Variants in ADAM33 observed in about 807,000 individuals in gnomAD.
ADAM33 encodes ADAM metallopeptidase domain 33, also known as disintegrin and metalloproteinase domain-containing protein 33.
A neutral mutation model predicts 106.2 loss-of-function variants in ADAM33; 103 were observed. The ratio of observed to expected loss-of-function variants is 0.97; its 90% CI spans 0.83 to 1.14. The LOEUF (loss-of-function observed/expected upper bound fraction) is 1.14, where lower values mean the gene tolerates loss of function less well. ADAM33 is among the 50% of genes most tolerant of loss of function. The pLI is 0.00. For synonymous variants in ADAM33, 483 were observed against 453.0 expected, an observed-to-expected ratio of 1.07 and a Z score of -0.84; for missense variants, 1,120 against 1,096.6, an observed-to-expected ratio of 1.02 and a Z score of -0.30.
chr20:3,677,272 ACC>A (rs982710642), intron 2 of ADAM33, 129 bp from the exon 3 acceptor site: 14 of 684,400 alleles, frequency 2.0e-5, no homozygotes, highest in Non-Finnish European at 2.8e-5. Context: ...AGTCAGCAGG[ACC>A]CCCCACATAC....
Position 3,681,923 on chromosome 20 carries a change from C to A in ADAM33, c.82G>T (p.Ala28Ser). Residue 28 changes from alanine (A) to serine (S), a missense_variant, in exon 1 of 22, where the codon GCC (alanine) becomes TCC (serine). Coordinates refer to ENST00000356518, the MANE Select transcript of ADAM33 (RefSeq NM_025220.5). The part of the protein sequence containing the change: ...LLLLLWPVPG[A>S]GVLQGHIPGQ... ...GCGTCCTCACCTTGAAGCACCCCGG[C>A]GCCTGGCACTGGCCAGAGCAGCAGC... 6.3e-7 allele frequency: 1 copy of A among 1,588,982 alleles called. No individual in the cohort carries two copies. Among genetic ancestry groups the A allele is most frequent in the East Asian group, 2.3e-5 (1 of 42,598 alleles).
chr20:3,671,857 C>T lies in ADAM33; in HGVS notation c.1706+20G>A. 1.3e-6 allele frequency: 2 copies of T among 1,551,680 alleles called. No individual in the cohort carries two copies. Among genetic ancestry groups the T allele is most frequent in the Non-Finnish European group, 1.7e-6 (2 of 1,147,048 alleles). On this transcript the variant is annotated intron_variant, in intron 15 of 21. Coordinates refer to ENST00000356518, the MANE Select transcript of ADAM33 (RefSeq NM_025220.5). The stretch of plus-strand genomic sequence containing the variant: ...CCCACTCCATAGCTTCTGCTCCCTC[C>T]ACTCAGCTCCACTCCCTACCTCCCT...
Position 3,671,435 on chromosome 20 carries a change from GCAGT to G in ADAM33, c.1963_1966del (p.Thr655ProfsTer161). 1.2e-6 allele frequency: 2 copies of G among 1,612,468 alleles called. No individual in the cohort carries two copies. Among genetic ancestry groups the G allele is most frequent in the Non-Finnish European group, 1.7e-6 (2 of 1,179,254 alleles). ...GGCTCTCACCCCGTGGCTGTGGCAG[GCAGT>G]CAGGCAGCGCTGAAGCTCCTGGAAG... is the stretch of plus-strand genomic sequence containing the variant. On this transcript the variant is annotated frameshift_variant, in exon 17 of 22. Coordinates refer to ENST00000356518, the MANE Select transcript of ADAM33 (RefSeq NM_025220.5). LOFTEE classifies it high-confidence loss of function.
Position 3,673,770 on chromosome 20 carries a change from G to A in ADAM33, c.880C>T (p.Pro294Ser). Residue 294 changes from proline (P) to serine (S), a missense_variant, in exon 9 of 22, where the codon CCC becomes TCC. By Grantham distance (74) the Pro-to-Ser change is moderately conservative. Transcript: ENST00000356518. ...QWRRGLWAQR[P>S]HDSAQLLTGR... ...GTGAGCAGCTGCGCGGAGTCGTGGG[G>A]CCGCTGCGCCCACAGCCCCCGGCGC... The A allele has an allele frequency of 6.5e-7, 1 of 1,527,916 alleles. No homozygotes were observed. 94.6% of individuals were successfully genotyped at this position (1,527,916 alleles called of 1,614,324 possible).
intron 2 of ADAM33, among the ~76,000 whole-genome samples, chr20:3,679,010 G>C (rs192617479): frequency 1.8e-3 from 270 of 152,276 alleles, no homozygotes; most frequent in African/African-American, 6.3e-3. Context: ...GATACCAGAA[G>C]TGGATTCCAC....
Position 3,673,449 on chromosome 20 carries a change from C to A in ADAM33, c.1038G>T (p.Glu346Asp). The A allele has an allele frequency of 6.3e-7, 1 of 1,578,716 alleles. No homozygotes were observed. The highest frequency in any genetic ancestry group is 1.1e-5 in the South Asian group (1 of 87,004). Reference sequence around the variant, plus strand: ...GGCTGAGGCCGAGGCTGTGGCCGATCTCATGGGCCATGGTGGCTGCGGCGC... The same window carrying A: ...GGCTGAGGCCGAGGCTGTGGCCGATATCATGGGCCATGGTGGCTGCGGCGC... ...PIGAAATMAH[E>D]IGHSLGLSHD... The change falls in exon 11 of 22, where the codon GAG becomes GAT. Residue 346 changes from glutamate to aspartate, a missense_variant. By Grantham distance (45) the Glu-to-Asp change is conservative. Transcript: ENST00000356518.
At chr20:3,669,438 G>A (rs1189523850) in intron 20 of ADAM33, 68 bp from the exon 21 acceptor site, 7 of 1,555,316 alleles carry the variant, frequency 4.5e-6, no homozygotes, top group Non-Finnish European at 6.1e-6. Context: ...CTGGGGAGGG[G>A]CATAGGGGAC....
intron 1 of ADAM33, among the ~76,000 whole-genome samples, chr20:3,680,907 G>C (rs1342357948): frequency 6.6e-6 from 1 of 152,270 alleles, no homozygotes; most frequent in Middle Eastern, 3.4e-3. Flanking sequence ...CGGGTGAATG[G>C]GGGTGGAACC....
rs2087886197 is a variant in ADAM33, at chr20:3,675,523, T to A, written c.255-418A>T. Among the ~76,000 whole-genome samples, 1 of 152,018 alleles carries A rather than the reference T, an allele frequency of 6.6e-6. No homozygotes were observed. The highest frequency in any genetic ancestry group is 2.4e-5 in the African/African-American group (1 of 41,372). On this transcript the variant is annotated intron_variant, in intron 3 of 21. Coordinates refer to ENST00000356518, the MANE Select transcript of ADAM33 (RefSeq NM_025220.5). The surrounding 1 kb of genome is among the most constrained non-coding windows in gnomAD (Gnocchi z 4.1). ...CAGTTCCCCTGCCTGCTGCCCTCCT[T>A]TGTTGGGCATCTGGTCGACCCTCTT... is the stretch of plus-strand genomic sequence containing the variant.
rs1306214162 is a variant in ADAM33, at chr20:3,671,758, C to A, written c.1728G>T (p.Leu576=). The A allele has an allele frequency of 4.5e-6, 7 of 1,568,848 alleles. No homozygotes were observed. Among genetic ancestry groups the A allele is most frequent in the Non-Finnish European group, 6.1e-6 (7 of 1,156,580 alleles). The change falls in exon 16 of 22, where the codon CTG becomes CTT. Residue 576 remains leucine (L), a synonymous_variant. Transcript: ENST00000356518. ...GGCTGGGCTTTCCACCCTGGCACTG[C>A]AGCTTCCCACACAGGGCATCCCTGG... ...CAGRDALCGK[L]QCQGGKPSLL... is the part of the protein sequence containing the mutation.
At chr20:3,676,975 C>T in intron 3 of ADAM33, 92 bp downstream of exon 3, 1 of 1,391,676 alleles carries the variant, frequency 7.2e-7, no homozygotes, top group Non-Finnish European at 9.7e-7. Flanking sequence ...CTGGGGTCCT[C>T]TGCCCATCCA....
rs369864919 is a variant in ADAM33, at chr20:3,678,791, G to A, written c.177+701C>T. On this transcript the variant is annotated intron_variant, in intron 2 of 21. Transcript: ENST00000356518. ...ATTTCCCCAAGCTCTCTGGGCTTCC[G>A]TTTGCCCCTCTGTAAAATGAGCATA... 1.1e-4 allele frequency among the ~76,000 whole-genome samples: 16 copies of A among 152,340 alleles called. No homozygotes were observed. The East Asian group carries it at 1.3e-3, about 13-fold the overall frequency.
Position 3,669,651 on chromosome 20 carries a change from T to C in ADAM33, c.2241-14A>G. On this transcript the variant is annotated splice_polypyrimidine_tract_variant and intron_variant, in intron 19 of 21. Coordinates refer to ENST00000356518, the MANE Select transcript of ADAM33 (RefSeq NM_025220.5). ...CCATCTTTGGGGCTGAGCAACGTGA[T>C]AAGAGTCCAGGAGGTTGGCACAGTG... The C allele has an allele frequency of 6.3e-7, 1 of 1,594,632 alleles. No homozygotes were observed. The highest frequency in any genetic ancestry group is 8.5e-7 in the Non-Finnish European group (1 of 1,171,452).
Position 3,668,989 on chromosome 20 carries a change from G to A in ADAM33, c.2416C>T (p.Gln806Ter), listed in dbSNP as rs200145332. 54 of 1,482,768 alleles carry A rather than the reference G, an allele frequency of 3.6e-5. No individual in the cohort carries two copies. Among genetic ancestry groups the A allele is most frequent in the Non-Finnish European group, 4.7e-5 (52 of 1,098,624 alleles). The allele number at this position is 1,482,768 out of a possible 1,614,324, so 91.9% of individuals were successfully genotyped here. A position where few individuals can be genotyped will look rare whatever the true frequency, so the allele number is the denominator to read the frequency against. Residue 806 changes from glutamine (Q) to a stop codon, truncating the protein, a stop_gained, in exon 22 of 22, where the codon CAG (glutamine) becomes TAG (stop). Transcript: ENST00000356518. LOFTEE classifies it high-confidence loss of function. ...VSPDPQADQV[Q>*]MPRSCLW ...CACCAGAGGCAGGATCTTGGCATCT[G>A]GACTTGATCTGCTGAGAATGAGGAG...
chr20:3,672,918 A>C lies in ADAM33; in HGVS notation c.1134-20T>G. 1 of 1,546,576 alleles carries C rather than the reference A, an allele frequency of 6.5e-7. No homozygotes were observed. The highest frequency in any genetic ancestry group is 8.7e-7 in the Non-Finnish European group (1 of 1,155,816). ...GGGTGCCTACCGGCACGGGGAGGGCATTGGGCATGGAGGGACAGTCCCCCA... is the reference window on the plus strand; with the variant it reads ...GGGTGCCTACCGGCACGGGGAGGGCCTTGGGCATGGAGGGACAGTCCCCCA... On this transcript the variant is annotated intron_variant, in intron 11 of 21. Transcript: ENST00000356518.
At chr20:3,674,386 T>C in intron 6 of ADAM33, 102 bp from the exon 7 acceptor site, 1 of 1,602,402 alleles carries the variant, frequency 6.2e-7, no homozygotes, top group Non-Finnish European at 8.5e-7. Flanking sequence ...TTTCTGGAAC[T>C]TGTTTCTTCA....
At position 3,670,996 on chromosome 20, in the gene ADAM33, C is replaced by T. The variant is rs41325245; in HGVS notation, c.2240+10G>A. 554 of 1,540,156 alleles carry T rather than the reference C, an allele frequency of 3.6e-4. 2 individuals are homozygous for T. In the African/African-American group the frequency reaches 5.7e-3, roughly 16 times the overall value. On this transcript the variant is annotated intron_variant, in intron 19 of 21. Coordinates refer to ENST00000356518, the MANE Select transcript of ADAM33 (RefSeq NM_025220.5). ...GGAGTAGGCTCAGGAAGCAGGCGCTCGGAGCCTACCCACTGCACGCAGGGT... is the reference window on the plus strand; with the variant it reads ...GGAGTAGGCTCAGGAAGCAGGCGCTTGGAGCCTACCCACTGCACGCAGGGT...
chr20:3,670,906 G>C (rs2087489957), intron 19 of ADAM33, 100 bp downstream of exon 19: 2 of 1,428,090 alleles, frequency 1.4e-6, no homozygotes, highest in South Asian at 2.9e-5. Flanking sequence ...CTGCACCTGG[G>C]GGCAAGGCTG....
chr20:3,671,535 C>T (rs766529998), intron 16 of ADAM33, 39 bp from the exon 17 acceptor site: 2 of 1,610,882 alleles, frequency 1.2e-6, no homozygotes, highest in Non-Finnish European at 1.7e-6. Context: ...GGACACTGGC[C>T]TGCGGGATTC....
Sources: allele counts gnomAD v4.1 joint callset (sites outside exome capture counted in the v4.1 genomes callset), GRCh38; gene constraint gnomAD v4.1.1; non-coding constraint Gnocchi (gnomAD v3.1); transcripts MANE v1.5; gene names NCBI Gene and HGNC (gene_info 2026-07-23, HGNC 2026-07-21).